Variants in LRBA observed in about 807,000 individuals in gnomAD.
LRBA encodes the protein lipopolysaccharide-responsive and beige-like anchor protein.
Under a neutral mutation model 330.0 loss-of-function variants are expected in LRBA, and 176 were observed. The ratio of observed to expected loss-of-function variants is 0.53; its 90% CI spans 0.47 to 0.60. LRBA has a LOEUF of 0.60. Ranked by LOEUF, LRBA falls within the 20% of genes least tolerant of loss-of-function variation. The pLI is 0.00. For synonymous variants in LRBA, 1,230 were observed against 1,193.0 expected, an observed-to-expected ratio of 1.03 and a Z score of -0.64; for missense variants, 3,259 against 3,444.8, an observed-to-expected ratio of 0.95 and a Z score of 1.35.
At chr4:150,660,420 C>G (rs1780895602) in intron 37 of LRBA, among the ~76,000 whole-genome samples, 2 of 146,442 alleles carry the variant, frequency 1.4e-5, no homozygotes, top group Non-Finnish European at 3.0e-5. Flanking sequence ...GCCCGGCTGC[C>G]CCTACTGGGA....
At chr4:150,341,949 T>C (rs77298334) in intron 48 of LRBA, among the ~76,000 whole-genome samples, 1,715 of 151,564 alleles carry the variant, frequency 0.011, 35 homozygotes, top group African/African-American at 0.039. Context: ...ATGATTATAC[T>C]TTAAATATAT....
chr4:151,014,441 T>C lies in LRBA; in HGVS notation c.202A>G (p.Thr68Ala), dbSNP rs751829504. The C allele has an allele frequency of 8.7e-6, 14 of 1,613,796 alleles. No individual in the cohort carries two copies. In the South Asian group the frequency reaches 1.4e-4, roughly 16 times the overall value. The change falls in exon 2 of 57, where the codon ACT becomes GCT. Residue 68 changes from threonine (T) to alanine (A), a missense_variant. Physicochemically the swap from Thr to Ala is moderately conservative, Grantham distance 58. Coordinates refer to ENST00000651943, the MANE Select transcript of LRBA (RefSeq NM_001364905.1). Reference protein sequence around the residue: ...GEVSNRDIVETVFNLLVGGQF... With the variant: ...GEVSNRDIVEAVFNLLVGGQF... ...CATGGACTTACCAGGTTAAAGACAGTTTCTACAATATCCCTATTGGATACT... is the reference window on the plus strand; with the variant it reads ...CATGGACTTACCAGGTTAAAGACAGCTTCTACAATATCCCTATTGGATACT...
In LRBA at chr4:150,871,254, T is replaced by C. The variant is rs1753402020; in HGVS notation, c.2367+91A>G. On this transcript the variant is annotated intron_variant, in intron 19 of 56. Coordinates refer to ENST00000651943, the MANE Select transcript of LRBA (RefSeq NM_001364905.1). ...TGAGACTCTGTCTCAAAAAATAAAA[T>C]AAAAATAAATGATCTTATTTACCTA... The C allele has an allele frequency of 7.0e-6, 5 of 713,626 alleles. No individual in the cohort carries two copies. In the Admixed American group the frequency reaches 1.1e-4, roughly 15 times the overall value. The allele number at this position is 713,626 out of a possible 1,614,324, so 44.2% of individuals were successfully genotyped here.
intron 35 of LRBA, among the ~76,000 whole-genome samples, chr4:150,737,327 G>A (rs1731309901): frequency 6.6e-6 from 1 of 152,048 alleles, no homozygotes; most frequent in Admixed American, 6.6e-5. Context: ...AGGCATGATG[G>A]CAGGTGCCTA....
At chr4:150,340,946 T>C (rs1214688539) in intron 48 of LRBA, among the ~76,000 whole-genome samples, 1 of 152,002 alleles carries the variant, frequency 6.6e-6, no homozygotes, top group Non-Finnish European at 1.5e-5. Flanking sequence ...CTATGTTTGA[T>C]GTGAAATAGG....
At chr4:150,284,268 T>C (rs559792556) in intron 54 of LRBA, among the ~76,000 whole-genome samples, 3 of 152,220 alleles carry the variant, frequency 2.0e-5, no homozygotes, top group East Asian at 1.9e-4. Flanking sequence ...TTTCATGACA[T>C]TGAAAGCACA....
Position 150,908,656 on chromosome 4 carries a change from G to C in LRBA, c.1359+4C>G. 2 of 1,609,446 alleles carry C rather than the reference G, an allele frequency of 1.2e-6. No homozygotes were observed. Among genetic ancestry groups the C allele is most frequent in the Non-Finnish European group, 1.7e-6 (2 of 1,176,800 alleles). On this transcript the variant is annotated splice_donor_region_variant and intron_variant, in intron 10 of 56. Transcript: ENST00000651943. ...AAATGTTCTTAAAAGATCACAGTTA[G>C]TACCTGGAGCATGAGTGCATGTGGT...
intron 34 of LRBA, among the ~76,000 whole-genome samples, chr4:150,790,748 T>C (rs554697508): frequency 1.8e-4 from 27 of 152,316 alleles, no homozygotes; most frequent in African/African-American, 6.0e-4. Flanking sequence ...TATACTTCCT[T>C]CTTTTAAGGT....
rs769403201 is a variant in LRBA, at chr4:150,647,352, C to CTTTTT, written c.5921+36194_5921+36198dup. ...GTAAAAAGTAAAATGATTACTTTTT[C>CTTTTT]TTTTTTTTTTTTTTTTTTTTTTTGA... On this transcript the variant is annotated intron_variant, in intron 37 of 56. Coordinates refer to ENST00000651943, the MANE Select transcript of LRBA (RefSeq NM_001364905.1). Among the ~76,000 whole-genome samples the CTTTTT allele has an allele frequency of 3.2e-3, 259 of 79,804 alleles. 7 individuals are homozygous for CTTTTT. The highest frequency in any genetic ancestry group is 5.4e-3 in the African/African-American group (108 of 19,966). The allele number at this position is 79,804 out of a possible 152,430, so 52.4% of individuals were successfully genotyped here. A position where few individuals can be genotyped will look rare whatever the true frequency, so the allele number is the denominator to read the frequency against.
intron 47 of LRBA, among the ~76,000 whole-genome samples, chr4:150,373,124 C>T (rs1420633836): frequency 1.0e-5 from 1 of 96,318 alleles, no homozygotes; most frequent in Non-Finnish European, 2.1e-5. Flanking sequence ...ACTACAATCT[C>T]GTGTGTGTGT....
intron 40 of LRBA, among the ~76,000 whole-genome samples, chr4:150,522,434 G>C (rs1039698035): frequency 6.6e-6 from 1 of 152,180 alleles, no homozygotes. Flanking sequence ...AAGGAAGTCA[G>C]ATGCTATTCA....
rs1561385662 is a variant in LRBA, at chr4:150,582,738, CA to C, written c.6330+5309del. The C allele has an allele frequency of 9.0e-6, 3 of 333,150 alleles. No homozygotes were observed. The East Asian group carries it at 1.5e-4, about 16-fold the overall frequency. 20.6% of individuals were successfully genotyped at this position (333,150 alleles called of 1,614,324 possible). A position where few individuals can be genotyped will look rare whatever the true frequency, so the allele number is the denominator to read the frequency against. On this transcript the variant is annotated intron_variant, in intron 40 of 56. Transcript: ENST00000651943. ...CTTCTCTCGCACACGGTCATCTTTA[CA>C]TATCAAGAGAAAGCAAAAAGGTTCC...
chr4:150,746,880 C>G (rs1732808695), intron 35 of LRBA, among the ~76,000 whole-genome samples: 1 of 152,104 alleles, frequency 6.6e-6, no homozygotes, highest in East Asian at 1.9e-4. Flanking sequence ...AGGATCATGT[C>G]TTTGATTATG....
At chr4:150,642,303 G>T (rs1778756852) in intron 37 of LRBA, among the ~76,000 whole-genome samples, 2 of 151,662 alleles carry the variant, frequency 1.3e-5, no homozygotes, top group South Asian at 4.1e-4. Flanking sequence ...GAAAGTTGCG[G>T]GAGAATGGTA....
intron 37 of LRBA, among the ~76,000 whole-genome samples, chr4:150,672,239 CT>C (rs1422896921): frequency 6.6e-6 from 1 of 152,048 alleles, no homozygotes; most frequent in Non-Finnish European, 1.5e-5. Context: ...GGCGTCAGTA[CT>C]TTTTTTAATA....
At chr4:150,653,986 A>G (rs1399079563) in intron 37 of LRBA, among the ~76,000 whole-genome samples, 1 of 152,196 alleles carries the variant, frequency 6.6e-6, no homozygotes, top group African/African-American at 2.4e-5. Flanking sequence ...GGAGAGAAAG[A>G]AGGCCCCACT....
At chr4:150,485,370 A>G (rs1030539717) in intron 42 of LRBA, among the ~76,000 whole-genome samples, 2 of 151,966 alleles carry the variant, frequency 1.3e-5, no homozygotes, top group African/African-American at 4.8e-5. Flanking sequence ...TGATAATATA[A>G]TGCTTTGTGT....
At chr4:150,386,213 G>A (rs1163321216) in intron 47 of LRBA, among the ~76,000 whole-genome samples, 6 of 151,506 alleles carry the variant, frequency 4.0e-5, no homozygotes, top group Middle Eastern at 3.4e-3. Context: ...ATGATACTCC[G>A]AAATGTTTAA....
intron 40 of LRBA, among the ~76,000 whole-genome samples, chr4:150,555,604 A>G (rs966079699): frequency 6.6e-6 from 1 of 152,010 alleles, no homozygotes; most frequent in Admixed American, 6.5e-5. Flanking sequence ...CAAAAAAATT[A>G]GCTGGGCATG....
Sources: gnomAD v4.1 joint callset for allele counts (sites outside exome capture counted in the v4.1 genomes callset) on GRCh38, gnomAD v4.1.1 for gene constraint, MANE v1.5 for transcripts, NCBI Gene and HGNC (gene_info 2026-07-23, HGNC 2026-07-21) for gene names.